KCNS3: variants seen among roughly 807,000 people sequenced by gnomAD.
KCNS3 encodes the protein delayed-rectifier potassium channel regulatory subunit KCNS3.
In KCNS3, 13 loss-of-function variants were observed where a neutral mutation model predicts 31.0. The observed-to-expected ratio is 0.42, with a 90% CI of 0.27 to 0.67. The LOEUF (loss-of-function observed/expected upper bound fraction) is 0.67. KCNS3 is among the 30% of genes least tolerant of loss of function. The pLI, the probability that KCNS3 is intolerant of heterozygous loss-of-function variation, is 0.25. For missense variants in KCNS3, 545 were observed against 622.4 expected, an observed-to-expected ratio of 0.88 and a Z score of 1.32; for synonymous variants, 238 against 241.5, an observed-to-expected ratio of 0.99 and a Z score of 0.13.
At chr2:17,925,228 C>A (rs1166924541) in intron 2 of KCNS3, among the ~76,000 whole-genome samples, 1 of 152,134 alleles carries the variant, frequency 6.6e-6, no homozygotes. Flanking sequence ...ATACCCTCCT[C>A]TTTTTTGGAA....
rs201069362 is a variant in KCNS3, at chr2:17,912,802, TA to T, written c.-251-4876del. On this transcript the variant is annotated intron_variant, in intron 1 of 2. Coordinates refer to ENST00000304101, the MANE Select transcript of KCNS3 (RefSeq NM_002252.5). The stretch of plus-strand genomic sequence containing the variant: ...ATAATTTATACTAACCTTTCAAAAA[TA>T]ATTTAGAGACTTTGCTTTAGAAAGC... 1.1e-3 allele frequency among the ~76,000 whole-genome samples: 175 copies of T among 152,348 alleles called. 1 individual carries two copies. In the East Asian group the frequency reaches 0.024, roughly 21 times the overall value.
At chr2:17,926,074 C>G (rs1398839884) in intron 2 of KCNS3, among the ~76,000 whole-genome samples, 1 of 152,200 alleles carries the variant, frequency 6.6e-6, no homozygotes, top group Admixed American at 6.5e-5. Context: ...TTTTGGCCCC[C>G]AAACAAATTG....
intron 2 of KCNS3, among the ~76,000 whole-genome samples, chr2:17,925,367 A>C (rs1572502940): frequency 6.6e-6 from 1 of 152,232 alleles, no homozygotes; most frequent in East Asian, 1.9e-4. Context: ...CTTCATCTGC[A>C]TGATAAAACC....
chr2:17,889,175 T>A (rs1238645982), intron 1 of KCNS3, among the ~76,000 whole-genome samples: 3 of 151,864 alleles, frequency 2.0e-5, no homozygotes, highest in Non-Finnish European at 4.4e-5. Flanking sequence ...AAGTATTTTA[T>A]TTTTTTTGCA....
rs35102585 is a variant in KCNS3, at chr2:17,888,629, G to GTATATCTATCTATA, written c.-252+9828_-252+9829insCTATCTATATATAT. Among the ~76,000 whole-genome samples the GTATATCTATCTATA allele has an allele frequency of 9.7e-5, 9 of 92,366 alleles. No individual in the cohort carries two copies. The East Asian group carries it at 2.2e-3, about 22-fold the overall frequency. The allele number at this position is 92,366 out of a possible 152,430, so 60.6% of individuals were successfully genotyped here. A position where few individuals can be genotyped will look rare whatever the true frequency, so the allele number is the denominator to read the frequency against. On this transcript the variant is annotated intron_variant, in intron 1 of 2. Transcript: ENST00000304101. ...GAACTTAAAGTATAATAAAAAAAAT[G>GTATATCTATCTATA]TATATATATATATATATATATATAT...
At chr2:17,909,113 G>A (rs190875765) in intron 1 of KCNS3, among the ~76,000 whole-genome samples, 7 of 152,214 alleles carry the variant, frequency 4.6e-5, no homozygotes, top group Admixed American at 1.3e-4. Flanking sequence ...CACCCAGTTC[G>A]AGCTTCTGGG....
chr2:17,929,648 G>C (rs1662911897), intron 2 of KCNS3, among the ~76,000 whole-genome samples: 1 of 152,222 alleles, frequency 6.6e-6, no homozygotes, highest in African/African-American at 2.4e-5. Context: ...CTGCTATGAA[G>C]CTTCTCCAGG....
At chr2:17,894,500 C>T (rs1363833303) in intron 1 of KCNS3, among the ~76,000 whole-genome samples, 3 of 152,260 alleles carry the variant, frequency 2.0e-5, no homozygotes, top group African/African-American at 7.2e-5. Context: ...TCAGGCCATT[C>T]TACTGTGACC....
chr2:17,924,493 T>C (rs1471522333), intron 2 of KCNS3, among the ~76,000 whole-genome samples: 2 of 152,182 alleles, frequency 1.3e-5, no homozygotes, highest in Admixed American at 6.5e-5. Context: ...CTGTGGGTTT[T>C]TCATAGATGC....
chr2:17,883,298 C>T lies in KCNS3; in HGVS notation c.-252+4492C>T, dbSNP rs779559282. On this transcript the variant is annotated intron_variant, in intron 1 of 2. Coordinates refer to ENST00000304101, the MANE Select transcript of KCNS3 (RefSeq NM_002252.5). ...TGTATTCTCATTATATATTCAAATC[C>T]GTGCATACATTCATTCAACAAGTAT... is the stretch of plus-strand genomic sequence containing the variant. 8.7e-5 allele frequency among the ~76,000 whole-genome samples: 13 copies of T among 149,424 alleles called. No homozygotes were observed. The South Asian group carries it at 1.5e-3, about 17-fold the overall frequency.
chr2:17,912,923 G>A (rs1430506503), intron 1 of KCNS3, among the ~76,000 whole-genome samples: 2 of 152,100 alleles, frequency 1.3e-5, no homozygotes, highest in African/African-American at 4.8e-5. Flanking sequence ...TCAAGGATTT[G>A]CCATATTAAC....
intron 1 of KCNS3, among the ~76,000 whole-genome samples, chr2:17,883,904 CA>C: frequency 6.6e-6 from 1 of 152,044 alleles, no homozygotes; most frequent in East Asian, 1.9e-4. Context: ...GGCACGTATA[CA>C]CCGTGGAATA....
At chr2:17,929,233 C>T (rs1364640773) in intron 2 of KCNS3, among the ~76,000 whole-genome samples, 1 of 152,096 alleles carries the variant, frequency 6.6e-6, no homozygotes, top group East Asian at 1.9e-4. Flanking sequence ...TCTCACACTG[C>T]TATAAAGAAC....
intron 1 of KCNS3, among the ~76,000 whole-genome samples, chr2:17,879,743 C>T (rs1055332014): frequency 1.3e-4 from 20 of 152,276 alleles, no homozygotes; most frequent in Non-Finnish European, 2.5e-4. Flanking sequence ...CTTGATGTCT[C>T]CCCCCGGTTT....
At chr2:17,910,442 A>T (rs891234523) in intron 1 of KCNS3, among the ~76,000 whole-genome samples, 2 of 152,222 alleles carry the variant, frequency 1.3e-5, no homozygotes, top group African/African-American at 4.8e-5. Flanking sequence ...CTGAATTTCA[A>T]CACAGACCCC....
At chr2:17,889,733 T>C (rs567181012) in intron 1 of KCNS3, among the ~76,000 whole-genome samples, 22 of 152,332 alleles carry the variant, frequency 1.4e-4, no homozygotes, top group African/African-American at 5.1e-4. Flanking sequence ...ATCTCATGTA[T>C]TGACTTGCAT....
At chr2:17,887,222 C>G (rs1661685348) in intron 1 of KCNS3, among the ~76,000 whole-genome samples, 1 of 152,046 alleles carries the variant, frequency 6.6e-6, no homozygotes, top group Non-Finnish European at 1.5e-5. Flanking sequence ...ATCACCTGAA[C>G]AGTATACACT....
At chr2:17,922,880 C>T (rs553066976) in intron 2 of KCNS3, among the ~76,000 whole-genome samples, 20 of 151,864 alleles carry the variant, frequency 1.3e-4, no homozygotes, top group Admixed American at 7.9e-4. Flanking sequence ...TCCCCTTTTT[C>T]GCTATTATGA....
In KCNS3 at chr2:17,894,348, A is replaced by G. The variant is rs763164772; in HGVS notation, c.-252+15542A>G. ...GGCCACACACTTGCACCACACACCC[A>G]TCCATGCAAACACACACCCTAGATG... On this transcript the variant is annotated intron_variant, in intron 1 of 2. Coordinates refer to ENST00000304101, the MANE Select transcript of KCNS3 (RefSeq NM_002252.5). 2.0e-4 allele frequency among the ~76,000 whole-genome samples: 30 copies of G among 152,258 alleles called. 1 individual carries two copies. The highest frequency in any genetic ancestry group is 7.0e-4 in the African/African-American group (29 of 41,556).
Sources: allele counts gnomAD v4.1 joint callset (sites outside exome capture counted in the v4.1 genomes callset), GRCh38; gene constraint gnomAD v4.1.1; transcripts MANE v1.5; gene names NCBI Gene and HGNC (gene_info 2026-07-23, HGNC 2026-07-21).